ARHGEF3: variants seen among roughly 807,000 people sequenced by gnomAD.
The protein encoded by ARHGEF3 is Rho guanine nucleotide exchange factor 3, also known as 59.8 kDA protein.
In ARHGEF3, 28 loss-of-function variants were observed where a neutral mutation model predicts 63.2. The ratio of observed to expected loss-of-function variants is 0.44; its 90% confidence interval spans 0.33 to 0.61. ARHGEF3 has a LOEUF of 0.61. Among genes scored for constraint, ARHGEF3 ranks in the 20% least tolerant of loss-of-function variants. The pLI, the probability that ARHGEF3 is intolerant of heterozygous loss-of-function variation, is 0.03. For missense variants in ARHGEF3, 533 were observed against 659.3 expected (o/e 0.81, Z 2.10); for synonymous variants, 266 against 254.2 (o/e 1.05, Z -0.44).
chr3:56,842,424 A>G (rs2039343603), intron 4 of ARHGEF3, among the ~76,000 whole-genome samples: 1 of 152,252 alleles, frequency 6.6e-6, no homozygotes, highest in Non-Finnish European at 1.5e-5. Context: ...CTTCTAAGAA[A>G]TAAGTGATTT....
At chr3:56,939,244 C>G (rs978935043) in intron 3 of ARHGEF3, among the ~76,000 whole-genome samples, 4 of 152,056 alleles carry the variant, frequency 2.6e-5, no homozygotes, top group Non-Finnish European at 5.9e-5. Flanking sequence ...AAACCTAACA[C>G]GGAGGAAAGA....
rs11393443 is a variant in ARHGEF3 at position 56,856,701 on chromosome 3, G to GTT, written c.192+25589_192+25590dup. Among the ~76,000 whole-genome samples the GTT allele has an allele frequency of 6.9e-3, 734 of 106,570 alleles. 7 individuals carry two copies. Among genetic ancestry groups the GTT allele is most frequent in the African/African-American group, 0.016 (535 of 33,524 alleles). 69.9% of individuals were successfully genotyped at this position (106,570 alleles called of 152,430 possible). A position where few individuals can be genotyped will look rare whatever the true frequency, so the allele number is the denominator to read the frequency against. On this transcript the variant is annotated intron_variant, in intron 4 of 12. Coordinates refer to the ARHGEF3 transcript ENST00000338458. Reference sequence around the variant, plus strand: ...GCCAAATTCTTTTCCATCTTGAGAGGTTTTTTGTTTTTTTTTTTTAACTTC... The same window carrying GTT: ...GCCAAATTCTTTTCCATCTTGAGAGGTTTTTTTTGTTTTTTTTTTTTAACTTC...
intron 1 of ARHGEF3, among the ~76,000 whole-genome samples, chr3:57,054,813 G>A (rs539886612): frequency 1.5e-4 from 23 of 151,796 alleles, no homozygotes; most frequent in African/African-American, 5.3e-4. Flanking sequence ...ACCATGCCTG[G>A]CTAATTTTTG....
chr3:56,996,314 C>G (rs1701985655), intron 2 of ARHGEF3, among the ~76,000 whole-genome samples: 1 of 152,174 alleles, frequency 6.6e-6, no homozygotes, highest in Non-Finnish European at 1.5e-5. Context: ...AAACGAGAAG[C>G]TTCTAAATCT....
chr3:57,053,945 G>T (rs1216495112), intron 1 of ARHGEF3, among the ~76,000 whole-genome samples: 1 of 152,200 alleles, frequency 6.6e-6, no homozygotes, highest in East Asian at 1.9e-4. Context: ...TGGTAATTAT[G>T]GATAAAGTGG....
chr3:56,887,148 G>A (rs900716993), intron 3 of ARHGEF3, among the ~76,000 whole-genome samples: 1 of 152,176 alleles, frequency 6.6e-6, no homozygotes, highest in African/African-American at 2.4e-5. Flanking sequence ...AGCACTGGTG[G>A]CAAATAGGTT....
At chr3:56,870,922 A>G (rs943566219) in intron 4 of ARHGEF3, among the ~76,000 whole-genome samples, 3 of 152,184 alleles carry the variant, frequency 2.0e-5, no homozygotes, top group African/African-American at 4.8e-5. Flanking sequence ...ATAAATAAAT[A>G]AAATCTATTT....
At chr3:57,014,607 GTTTT>G (rs1016674356) in intron 2 of ARHGEF3, among the ~76,000 whole-genome samples, 1 of 151,790 alleles carries the variant, frequency 6.6e-6, no homozygotes, top group African/African-American at 2.4e-5. Context: ...AAACTTTTCA[GTTTT>G]TTTACAATAA....
intron 2 of ARHGEF3, among the ~76,000 whole-genome samples, chr3:56,961,473 C>A (rs1201778539): frequency 6.6e-6 from 1 of 151,760 alleles, no homozygotes; most frequent in African/African-American, 2.4e-5. Context: ...CCAAACAGGG[C>A]AAAGCATACC....
chr3:56,881,568 G>A (rs76870342), intron 4 of ARHGEF3, among the ~76,000 whole-genome samples: 3,575 of 152,134 alleles, frequency 0.023, 49 homozygotes, highest in Non-Finnish European at 0.035. Context: ...ACAAAGCCAA[G>A]GAAGCTTTTC....
At position 56,728,366 on chromosome 3, in the gene ARHGEF3, A is replaced by G. The variant is rs1433290892; in HGVS notation, c.*904T>C. 6.5e-6 allele frequency: 1 copy of G among 152,684 alleles called. No individual in the cohort carries two copies. Among genetic ancestry groups the G allele is most frequent in the Non-Finnish European group, 1.5e-5 (1 of 68,076 alleles). 9.5% of individuals were successfully genotyped at this position (152,684 alleles called of 1,614,324 possible). The stretch of plus-strand genomic sequence containing the variant: ...CTTCCTCTCCTGTGTTTCTATAAAC[A>G]GTGTCATCGATAGAGTCATGGTCTC... On this transcript the variant is annotated 3_prime_UTR_variant, in exon 10 of 10. Coordinates refer to ENST00000296315, the MANE Select transcript of ARHGEF3 (RefSeq NM_019555.3).
At chr3:56,860,051 G>C (rs1376550289) in intron 4 of ARHGEF3, among the ~76,000 whole-genome samples, 1 of 151,496 alleles carries the variant, frequency 6.6e-6, no homozygotes, top group Non-Finnish European at 1.5e-5. Flanking sequence ...GAGATAGATA[G>C]ATAGATAGAT....
intron 3 of ARHGEF3, among the ~76,000 whole-genome samples, chr3:56,912,974 C>CA (rs896885329): frequency 2.0e-5 from 3 of 151,890 alleles, no homozygotes; most frequent in African/African-American, 7.3e-5. Context: ...CTGGTCTTGA[C>CA]AAAAAAGTTA....
chr3:56,860,070 C>CGATA (rs1261385416), intron 4 of ARHGEF3, among the ~76,000 whole-genome samples: 1 of 115,192 alleles, frequency 8.7e-6, no homozygotes, highest in Non-Finnish European at 1.9e-5. Flanking sequence ...ATAGATAGAT[C>CGATA]GATAGATAGA....
At chr3:57,033,392 GAT>G (rs1051375054) in intron 2 of ARHGEF3, among the ~76,000 whole-genome samples, 3 of 149,464 alleles carry the variant, frequency 2.0e-5, no homozygotes, top group Admixed American at 6.7e-5. Flanking sequence ...TCGTACTGTG[GAT>G]ATACTATTCA....
rs563788687 is a variant in ARHGEF3, at chr3:56,855,413, G to T, written c.192+26879C>A. On this transcript the variant is annotated intron_variant, in intron 4 of 12. Coordinates refer to the ARHGEF3 transcript ENST00000338458. ...AAACAAGTAGTCTGGGCTGGGCGTGGTGGTTCCTGCCTGTAATCCTAGCAC... is the reference window on the plus strand; with the variant it reads ...AAACAAGTAGTCTGGGCTGGGCGTGTTGGTTCCTGCCTGTAATCCTAGCAC... Among the ~76,000 whole-genome samples the T allele has an allele frequency of 1.6e-4, 24 of 151,948 alleles. 2 individuals are homozygous for T. In the South Asian group the frequency reaches 5.0e-3, roughly 32 times the overall value.
At chr3:56,754,472 A>G (rs1021502017) in intron 3 of ARHGEF3, among the ~76,000 whole-genome samples, 2 of 152,204 alleles carry the variant, frequency 1.3e-5, no homozygotes, top group Non-Finnish European at 2.9e-5. Context: ...ATCTCATCAG[A>G]TGATGCACAC....
intron 3 of ARHGEF3, chr3:56,938,798 C>T (rs766530146): frequency 3.3e-5 from 5 of 152,174 alleles, no homozygotes; most frequent in Non-Finnish European, 7.3e-5. Flanking sequence ...TGCCACTGGC[C>T]CAGGGCGCCT....
At chr3:56,895,502 C>A (rs2041272991) in intron 3 of ARHGEF3, among the ~76,000 whole-genome samples, 1 of 151,718 alleles carries the variant, frequency 6.6e-6, no homozygotes, top group South Asian at 2.1e-4. Flanking sequence ...CTTGTTCTGC[C>A]ACCCAGGTTG....
Sources: gnomAD v4.1 joint callset for allele counts (sites outside exome capture counted in the v4.1 genomes callset) on GRCh38, gnomAD v4.1.1 for gene constraint, MANE v1.5 for transcripts, NCBI Gene and HGNC (gene_info 2026-07-23, HGNC 2026-07-21) for gene names.